MPPED2: variants seen among roughly 807,000 people sequenced by gnomAD.
MPPED2 encodes metallophosphoesterase MPPED2.
In MPPED2, 5 loss-of-function variants were observed where a neutral mutation model predicts 33.0. The ratio of observed to expected loss-of-function variants is 0.15; its 90% confidence interval spans 0.08 to 0.32. The LOEUF is 0.32. Among genes scored for constraint, MPPED2 ranks in the 10% least tolerant of loss-of-function variants. The pLI is 1.00. For synonymous variants in MPPED2, 136 were observed against 141.9 expected, an observed-to-expected ratio of 0.96 and a Z score of 0.29; for missense variants, 275 against 372.1, an observed-to-expected ratio of 0.74 and a Z score of 2.15.
intron 4 of MPPED2, among the ~76,000 whole-genome samples, chr11:30,467,632 T>G (rs1340827029): frequency 6.6e-6 from 1 of 152,108 alleles, no homozygotes; most frequent in Non-Finnish European, 1.5e-5. Context: ...CCATTACAAG[T>G]GCGATCTAAT....
chr11:30,417,481 C>T (rs771284066), intron 5 of MPPED2, 37 bp downstream of exon 5: 1 of 1,177,154 alleles, frequency 8.5e-7, no homozygotes, highest in South Asian at 1.2e-5. Context: ...GAAAAAAAGG[C>T]ATCTGGATGA....
At chr11:30,445,852 G>A (rs981132035) in intron 4 of MPPED2, among the ~76,000 whole-genome samples, 3 of 152,200 alleles carry the variant, frequency 2.0e-5, no homozygotes, top group African/African-American at 7.2e-5. Flanking sequence ...TCATTCACCT[G>A]TCAGTGGACA....
intron 4 of MPPED2, among the ~76,000 whole-genome samples, chr11:30,437,607 C>A (rs543630920): frequency 1.3e-5 from 2 of 152,172 alleles, no homozygotes; most frequent in African/African-American, 4.8e-5. Context: ...TAAATCTAGT[C>A]GCCAGCCTTC....
chr11:30,572,547 T>C (rs938187186), intron 2 of MPPED2, among the ~76,000 whole-genome samples: 3 of 152,190 alleles, frequency 2.0e-5, no homozygotes, highest in African/African-American at 7.2e-5. Context: ...TTACAAATTA[T>C]GGCCATGCTA....
At chr11:30,580,219 T>TTTCTTGA (rs1488440797) in intron 2 of MPPED2, 27 bp downstream of exon 2, 1 of 1,598,872 alleles carries the variant, frequency 6.3e-7, no homozygotes, top group Non-Finnish European at 8.5e-7. Flanking sequence ...GATTGCTAAT[T>TTTCTTGA]TTGTTAAGTT....
At chr11:30,519,953 T>G (rs1403181188) in intron 3 of MPPED2, among the ~76,000 whole-genome samples, 1 of 152,208 alleles carries the variant, frequency 6.6e-6, no homozygotes, top group African/African-American at 2.4e-5. Flanking sequence ...AACATTGTTC[T>G]CAACATTTTA....
At chr11:30,442,087 G>A (rs981459612) in intron 4 of MPPED2, among the ~76,000 whole-genome samples, 1 of 152,188 alleles carries the variant, frequency 6.6e-6, no homozygotes, top group African/African-American at 2.4e-5. Context: ...AAGACACATC[G>A]TTTAAGATAA....
At chr11:30,428,270 C>T (rs1465903709) in intron 4 of MPPED2, among the ~76,000 whole-genome samples, 1 of 152,176 alleles carries the variant, frequency 6.6e-6, no homozygotes, top group African/African-American at 2.4e-5. Flanking sequence ...TAAATGCACA[C>T]AACATTATAT....
intron 6 of MPPED2, among the ~76,000 whole-genome samples, chr11:30,390,862 G>T (rs1229509148): frequency 6.6e-6 from 1 of 152,094 alleles, no homozygotes; most frequent in Non-Finnish European, 1.5e-5. Context: ...CTTCCATGGG[G>T]CCTCTTATCT....
At chr11:30,526,495 G>C (rs1954186206) in intron 3 of MPPED2, among the ~76,000 whole-genome samples, 1 of 152,124 alleles carries the variant, frequency 6.6e-6, no homozygotes, top group Non-Finnish European at 1.5e-5. Context: ...ACAAGCTAAA[G>C]ATTAAGAAAC....
At chr11:30,483,287 T>C (rs1951574926) in intron 4 of MPPED2, among the ~76,000 whole-genome samples, 1 of 152,232 alleles carries the variant, frequency 6.6e-6, no homozygotes, top group Admixed American at 6.5e-5. Flanking sequence ...TGGCTATTTC[T>C]TCTGAAAAAC....
At chr11:30,425,168 A>G (rs1309904306) in intron 4 of MPPED2, among the ~76,000 whole-genome samples, 3 of 152,140 alleles carry the variant, frequency 2.0e-5, no homozygotes, top group Non-Finnish European at 2.9e-5. Context: ...TGAGGTGGTC[A>G]CCTGAGCCCC....
rs755853042 is a variant in MPPED2 at position 30,523,621 on chromosome 11, C to CTTT, written c.310+12370_310+12372dup. On this transcript the variant is annotated intron_variant, in intron 3 of 6. Transcript: ENST00000358117. ...GCTGAAGCCCAGGGAAGCAACACAT[C>CTTT]TTTTTTTTTTTTTTTTTTTTTTTGA... Among the ~76,000 whole-genome samples, 240 of 104,550 alleles carry CTTT rather than the reference C, an allele frequency of 2.3e-3. 1 individual carries two copies. The highest frequency in any genetic ancestry group is 5.2e-3 in the African/African-American group (129 of 25,040). The allele number at this position is 104,550 out of a possible 152,430, so 68.6% of individuals were successfully genotyped here.
At chr11:30,564,638 G>T (rs1485502422) in intron 2 of MPPED2, among the ~76,000 whole-genome samples, 1 of 152,160 alleles carries the variant, frequency 6.6e-6, no homozygotes, top group African/African-American at 2.4e-5. Context: ...TTGCTTCCCT[G>T]TCTCCTCAGG....
Position 30,536,728 on chromosome 11 carries a change from A to G in MPPED2, c.129-553T>C, listed in dbSNP as rs150770922. Among the ~76,000 whole-genome samples, 642 of 152,128 alleles carry G rather than the reference A, an allele frequency of 4.2e-3. 6 individuals are homozygous for G. Among genetic ancestry groups the G allele is most frequent in the Middle Eastern group, 0.034 (10 of 294 alleles). ...ACACCTGTATCTTCTGGTTTTTGCT[A>G]TTCACAAATCAAACCGTAGGGAGAG... On this transcript the variant is annotated intron_variant, in intron 2 of 6. Transcript: ENST00000358117.
At chr11:30,394,879 A>G (rs191923999) in intron 6 of MPPED2, among the ~76,000 whole-genome samples, 2 of 152,300 alleles carry the variant, frequency 1.3e-5, no homozygotes, top group Admixed American at 1.3e-4. Context: ...CTTTACATTT[A>G]GATAATCCCT....
intron 4 of MPPED2, among the ~76,000 whole-genome samples, chr11:30,448,702 T>C (rs1435074207): frequency 9.2e-5 from 14 of 151,698 alleles, no homozygotes; most frequent in Admixed American, 8.6e-4. Flanking sequence ...TTTGAGACAG[T>C]CTCACTCTGT....
chr11:30,498,055 C>T (rs530272), intron 3 of MPPED2, among the ~76,000 whole-genome samples: 148,488 of 151,746 alleles, frequency 0.98, 72,703 homozygotes, highest in Middle Eastern at 1. Context: ...TGTTACTTGA[C>T]GGCATTTTCG....
At chr11:30,484,961 C>T (rs1019960507) in intron 4 of MPPED2, among the ~76,000 whole-genome samples, 1 of 152,034 alleles carries the variant, frequency 6.6e-6, no homozygotes, top group Non-Finnish European at 1.5e-5. Context: ...CATGGTAATA[C>T]CACCATAGAA....
Sources: gnomAD v4.1 joint callset for allele counts (sites outside exome capture counted in the v4.1 genomes callset) on GRCh38, gnomAD v4.1.1 for gene constraint, MANE v1.5 for transcripts, NCBI Gene and HGNC (gene_info 2026-07-23, HGNC 2026-07-21) for gene names.